Variants in TMCC1 observed in about 807,000 individuals in gnomAD.
TMCC1 encodes transmembrane and coiled-coil domains protein 1.
A neutral mutation model predicts 52.4 loss-of-function variants in TMCC1; 15 were observed. That is an observed-to-expected ratio of 0.29 (90% CI 0.19 to 0.44). TMCC1 has a LOEUF of 0.44. Among genes scored for constraint, TMCC1 ranks in the 20% least tolerant of loss-of-function variants. The pLI, the probability that TMCC1 is intolerant of heterozygous loss-of-function variation, is 1.00. For missense variants in TMCC1, 503 were observed against 806.0 expected (o/e 0.62, Z 4.55); for synonymous variants, 279 against 301.9 (o/e 0.92, Z 0.79).
intron 4 of TMCC1, among the ~76,000 whole-genome samples, chr3:129,755,075 C>T (rs551054715): frequency 6.9e-4 from 105 of 151,782 alleles, no homozygotes; most frequent in African/African-American, 2.4e-3. Flanking sequence ...GAGACTCTGT[C>T]TAAAAAAAAG....
intron 4 of TMCC1, among the ~76,000 whole-genome samples, chr3:129,820,394 G>T (rs2058359524): frequency 6.6e-6 from 1 of 151,672 alleles, no homozygotes. Context: ...ATATCCCAAG[G>T]ACTAAGGATT....
At chr3:129,793,811 C>CT (rs1400797499) in intron 4 of TMCC1, among the ~76,000 whole-genome samples, 2 of 152,236 alleles carry the variant, frequency 1.3e-5, no homozygotes, top group African/African-American at 2.4e-5. Context: ...TCTGTAACTG[C>CT]TTTTCATATA....
chr3:129,801,985 A>C (rs962116762), intron 4 of TMCC1, among the ~76,000 whole-genome samples: 5 of 152,178 alleles, frequency 3.3e-5, no homozygotes, highest in African/African-American at 7.2e-5. Context: ...CAGAGCTTTC[A>C]AGTTAAAAAT....
chr3:129,739,981 G>A (rs575501930), intron 4 of TMCC1, among the ~76,000 whole-genome samples: 1 of 152,300 alleles, frequency 6.6e-6, no homozygotes, highest in African/African-American at 2.4e-5. Context: ...AAGCACTTAC[G>A]TGCAAGGTTA....
chr3:129,847,070 T>C (rs1577071724), intron 2 of TMCC1: 1 of 152,120 alleles, frequency 6.6e-6, no homozygotes, highest in African/African-American at 2.4e-5. Context: ...AAAATTGTTT[T>C]ATTAAACTTC....
chr3:129,693,439 T>C (rs953925811), intron 4 of TMCC1, among the ~76,000 whole-genome samples: 2 of 152,078 alleles, frequency 1.3e-5, no homozygotes, highest in Admixed American at 1.3e-4. Flanking sequence ...TCCATGATAC[T>C]ATCTTAATCA....
intron 2 of TMCC1, among the ~76,000 whole-genome samples, chr3:129,863,816 C>A (rs545111749): frequency 6.6e-6 from 1 of 151,930 alleles, no homozygotes; most frequent in East Asian, 1.9e-4. Flanking sequence ...GAGCCAAGAT[C>A]GTGCCACTGT....
At position 129,745,417 on chromosome 3, in the gene TMCC1, A is replaced by C. The variant is rs75648335; in HGVS notation, c.577-74153T>G. On this transcript the variant is annotated intron_variant, in intron 4 of 6. Transcript: ENST00000393238. ...ACTCCGCAGCTCAGCCTGTGCCAAGAGTAGTTTTGCATTTCTCTAAGCCTA... is the reference window on the plus strand; with the variant it reads ...ACTCCGCAGCTCAGCCTGTGCCAAGCGTAGTTTTGCATTTCTCTAAGCCTA... Among the ~76,000 whole-genome samples, 110 of 152,338 alleles carry C rather than the reference A, an allele frequency of 7.2e-4. 1 individual carries two copies. In the East Asian group the frequency reaches 0.015, roughly 20 times the overall value.
At chr3:129,863,368 T>C (rs1013416404) in intron 2 of TMCC1, among the ~76,000 whole-genome samples, 1 of 152,170 alleles carries the variant, frequency 6.6e-6, no homozygotes, top group African/African-American at 2.4e-5. Flanking sequence ...GAATCAGGCA[T>C]GGAGAAGTAA....
In TMCC1 at chr3:129,650,862, G is replaced by A. The variant is rs2086283468; in HGVS notation, c.*619C>T. 6.5e-6 allele frequency: 1 copy of A among 153,834 alleles called. No individual in the cohort carries two copies. The highest frequency in any genetic ancestry group is 1.5e-5 in the Non-Finnish European group (1 of 68,884). 9.5% of individuals were successfully genotyped at this position (153,834 alleles called of 1,614,324 possible). A position where few individuals can be genotyped will look rare whatever the true frequency, so the allele number is the denominator to read the frequency against. On this transcript the variant is annotated 3_prime_UTR_variant, in exon 7 of 7. Coordinates refer to ENST00000393238, the MANE Select transcript of TMCC1 (RefSeq NM_001017395.5). ...GTGCAGTGATCCTTTGGGGGATGATGCTTTCACTTTTGTATCCTCGTCAAG... is the reference window on the plus strand; with the variant it reads ...GTGCAGTGATCCTTTGGGGGATGATACTTTCACTTTTGTATCCTCGTCAAG...
At chr3:129,857,836 T>C (rs2060212668) in intron 2 of TMCC1, among the ~76,000 whole-genome samples, 1 of 152,246 alleles carries the variant, frequency 6.6e-6, no homozygotes, top group East Asian at 1.9e-4. Flanking sequence ...GTGCTGGGAT[T>C]ACAGGCGTGA....
chr3:129,695,096 CAAAAAAAAAAAAAAAAAA>C (rs11291309), intron 4 of TMCC1, among the ~76,000 whole-genome samples: 164 of 35,248 alleles, frequency 4.7e-3, no homozygotes, highest in African/African-American at 0.016. Context: ...GACTCTGTCT[CAAAAAAAAAAAAAAAAAA>C]AAAAAAAAAA....
intron 2 of TMCC1, among the ~76,000 whole-genome samples, chr3:129,864,135 C>G (rs980691261): frequency 5.3e-5 from 8 of 152,074 alleles, no homozygotes; most frequent in African/African-American, 1.7e-4. Flanking sequence ...TATATTTTCC[C>G]TTTTTTTCAC....
At chr3:129,853,975 C>T (rs1039152392) in intron 2 of TMCC1, among the ~76,000 whole-genome samples, 1 of 152,080 alleles carries the variant, frequency 6.6e-6, no homozygotes, top group African/African-American at 2.4e-5. Context: ...TCCTCTTTAC[C>T]AGCACAACTC....
intron 4 of TMCC1, among the ~76,000 whole-genome samples, chr3:129,791,614 C>T (rs966480656): frequency 5.3e-5 from 8 of 152,014 alleles, no homozygotes; most frequent in African/African-American, 7.3e-5. Flanking sequence ...GGATGGCTCA[C>T]GCAGGAGACA....
At chr3:129,881,228 G>A (rs1174622860) in intron 1 of TMCC1, among the ~76,000 whole-genome samples, 3 of 152,104 alleles carry the variant, frequency 2.0e-5, no homozygotes, top group Non-Finnish European at 2.9e-5. Flanking sequence ...CAGTGACCAC[G>A]CCCAGCTGGC....
chr3:129,702,506 A>G (rs1447956910), intron 4 of TMCC1, among the ~76,000 whole-genome samples: 1 of 152,192 alleles, frequency 6.6e-6, no homozygotes, highest in Non-Finnish European at 1.5e-5. Flanking sequence ...AGTAATATAT[A>G]GGTAAACCAT....
chr3:129,776,161 C>T (rs917326279), intron 4 of TMCC1, among the ~76,000 whole-genome samples: 2 of 152,216 alleles, frequency 1.3e-5, no homozygotes, highest in African/African-American at 4.8e-5. Context: ...TCTCTAACCA[C>T]TTTCTATCAC....
intron 4 of TMCC1, among the ~76,000 whole-genome samples, chr3:129,825,622 TCAA>T (rs2058624551): frequency 1.3e-5 from 2 of 151,698 alleles, no homozygotes; most frequent in South Asian, 4.1e-4. Flanking sequence ...ATCAACACAT[TCAA>T]CAACAGTTGA....
Sources: gnomAD v4.1 joint callset for allele counts (sites outside exome capture counted in the v4.1 genomes callset) on GRCh38, gnomAD v4.1.1 for gene constraint, MANE v1.5 for transcripts, NCBI Gene and HGNC (gene_info 2026-07-23, HGNC 2026-07-21) for gene names.